ACTR3C: variants seen among roughly 807,000 people sequenced by gnomAD.
ACTR3C encodes actin-related protein 3C.
ACTR3C carries 18 observed loss-of-function variants against 26.3 expected under a neutral mutation model. The observed-to-expected ratio is 0.68, with a 90% confidence interval of 0.47 to 1.01. ACTR3C has a LOEUF of 1.01. Among genes scored for constraint, ACTR3C ranks in the 50% least tolerant of loss-of-function variants. The pLI is 0.00. For missense variants in ACTR3C, 184 were observed against 250.7 expected, an observed-to-expected ratio of 0.73 and a Z score of 1.80; for synonymous variants, 55 against 94.5, an observed-to-expected ratio of 0.58 and a Z score of 2.42.
At chr7:150,079,290 C>T in the ACTR3C span, among the ~76,000 whole-genome samples, 1 of 152,294 alleles carries the variant, frequency 6.6e-6, no homozygotes, top group South Asian at 2.1e-4. Context: ...GGGAAACTTA[C>T]ATATGGCTGC....
chr7:150,027,508 T>A, the ACTR3C span, among the ~76,000 whole-genome samples: 1 of 147,984 alleles, frequency 6.8e-6, no homozygotes, highest in East Asian at 2.0e-4. Context: ...CCTAACCTCG[T>A]GATCCGCCCG....
chr7:150,143,589 C>T, the ACTR3C span, among the ~76,000 whole-genome samples: 1 of 152,216 alleles, frequency 6.6e-6, no homozygotes, highest in Non-Finnish European at 1.5e-5. Flanking sequence ...AGTCCTCTTC[C>T]CTGATCCCCG....
chr7:150,299,495 C>CA (rs373387799), intron 1 of ACTR3C, among the ~76,000 whole-genome samples: 9 of 84,622 alleles, frequency 1.1e-4, no homozygotes, highest in Non-Finnish European at 1.9e-4. Flanking sequence ...AAAAAAAAAA[C>CA]AAAAAACAGG....
At chr7:150,075,839 T>C in the ACTR3C span, among the ~76,000 whole-genome samples, 1 of 152,126 alleles carries the variant, frequency 6.6e-6, no homozygotes, top group Non-Finnish European at 1.5e-5. Flanking sequence ...CAGACTTTGG[T>C]ACCTGGCGAG....
the ACTR3C span, among the ~76,000 whole-genome samples, chr7:150,202,169 C>T: frequency 6.6e-6 from 1 of 152,112 alleles, no homozygotes; most frequent in Non-Finnish European, 1.5e-5. Flanking sequence ...CCCACAACCC[C>T]GTAGAATGGT....
At chr7:150,261,695 C>A (rs1464831871) in intron 6 of ACTR3C, among the ~76,000 whole-genome samples, 1 of 97,960 alleles carries the variant, frequency 1.0e-5, no homozygotes, top group Non-Finnish European at 2.0e-5. Context: ...GAGCAAGACT[C>A]CATCTCATAA....
chr7:149,998,829 T>A, the ACTR3C span, among the ~76,000 whole-genome samples: 6 of 150,422 alleles, frequency 4.0e-5, no homozygotes, highest in Middle Eastern at 3.4e-3. Context: ...GTGGCAGAAG[T>A]GAGTGAGCAC....
chr7:150,250,154 T>C (rs1832730650), intron 6 of ACTR3C, among the ~76,000 whole-genome samples: 1 of 151,270 alleles, frequency 6.6e-6, no homozygotes, highest in African/African-American at 2.4e-5. Flanking sequence ...TTTCTAAATG[T>C]AGGTATTTAG....
intron 6 of ACTR3C, among the ~76,000 whole-genome samples, chr7:150,266,524 A>C (rs982663371): frequency 1.3e-5 from 2 of 152,128 alleles, no homozygotes; most frequent in African/African-American, 2.4e-5. Flanking sequence ...GGTAGGCAAA[A>C]ATTTCTTAGC....
At chr7:149,892,514 G>A in the ACTR3C span, 3 of 751,540 alleles carry the variant, frequency 4.0e-6, no homozygotes, top group Non-Finnish European at 5.6e-6. Context: ...AGGGCTCCAT[G>A]TGGGGTGAAG....
intron 6 of ACTR3C, among the ~76,000 whole-genome samples, chr7:150,275,230 G>A (rs980656837): frequency 2.6e-5 from 4 of 152,190 alleles, no homozygotes; most frequent in South Asian, 2.1e-4. Flanking sequence ...AGTGGGTATC[G>A]AAACAGACAC....
the ACTR3C span, among the ~76,000 whole-genome samples, chr7:150,208,239 G>A: frequency 6.6e-6 from 1 of 152,142 alleles, no homozygotes; most frequent in African/African-American, 2.4e-5. Context: ...AGAGTCTGGG[G>A]AGAACAAGGC....
the ACTR3C span, among the ~76,000 whole-genome samples, chr7:149,896,061 A>G: frequency 6.7e-6 from 1 of 149,120 alleles, no homozygotes; most frequent in Non-Finnish European, 1.5e-5. Context: ...AAAAAACACA[A>G]AAACTAGCCG....
chr7:150,280,572 G>C (rs1835234382), intron 6 of ACTR3C, among the ~76,000 whole-genome samples: 2 of 152,182 alleles, frequency 1.3e-5, no homozygotes, highest in Non-Finnish European at 2.9e-5. Context: ...AAGCTCTGAA[G>C]GCCTAATTCC....
the ACTR3C span, among the ~76,000 whole-genome samples, chr7:149,966,204 T>C: frequency 6.6e-6 from 1 of 152,184 alleles, no homozygotes; most frequent in Non-Finnish European, 1.5e-5. Flanking sequence ...TGCAGGCTCT[T>C]GGGACAGGAG....
At chr7:150,268,061 G>A (rs1410106196) in intron 6 of ACTR3C, among the ~76,000 whole-genome samples, 2 of 152,150 alleles carry the variant, frequency 1.3e-5, no homozygotes, top group Non-Finnish European at 2.9e-5. Flanking sequence ...TGAGAGGGCA[G>A]GAATGGCCTT....
chr7:150,037,159 C>T, the ACTR3C span, among the ~76,000 whole-genome samples: 28 of 35,542 alleles, frequency 7.9e-4, no homozygotes, highest in African/African-American at 2.4e-3. Context: ...GGTGCCTCCC[C>T]CCCTGTGATG....
At chr7:150,224,387 C>T in the ACTR3C span, among the ~76,000 whole-genome samples, 38 of 152,236 alleles carry the variant, frequency 2.5e-4, no homozygotes, top group Non-Finnish European at 5.6e-4. Context: ...ATTCTATCAT[C>T]AGAAACAGTT....
the ACTR3C span, among the ~76,000 whole-genome samples, chr7:149,899,602 T>TAAAAAA: frequency 1.1e-4 from 13 of 118,626 alleles, no homozygotes; most frequent in East Asian, 9.9e-4. Context: ...CTGGAAGAAG[T>TAAAAAA]AAAAAAAAAA....
Sources: gnomAD v4.1 joint callset for allele counts (sites outside exome capture counted in the v4.1 genomes callset) on GRCh38, gnomAD v4.1.1 for gene constraint, MANE v1.5 for transcripts, NCBI Gene and HGNC (gene_info 2026-07-23, HGNC 2026-07-21) for gene names.